Variants in SLC7A1 observed in about 807,000 individuals in gnomAD.
SLC7A1 encodes high affinity cationic amino acid transporter 1.
SLC7A1 carries 10 observed loss-of-function variants against 53.9 expected under a neutral mutation model. The ratio of observed to expected loss-of-function variants is 0.19; its 90% CI spans 0.11 to 0.31. The LOEUF is 0.31. Among genes scored for constraint, SLC7A1 ranks in the 10% least tolerant of loss-of-function variants. The probability of loss-of-function intolerance (pLI) is 1.00; values close to 1 mark genes in which losing one functional copy is unlikely to be tolerated. For synonymous variants in SLC7A1, 342 were observed against 338.7 expected (o/e 1.01, Z -0.11); for missense variants, 525 against 827.2 (o/e 0.63, Z 4.48).
Position 29,562,683 on chromosome 13 carries a change from T to C in SLC7A1, c.-114-8823A>G, listed in dbSNP as rs554904. Among the ~76,000 whole-genome samples, 537 of 152,354 alleles carry C rather than the reference T, an allele frequency of 3.5e-3. 4 individuals carry two copies. The highest frequency in any genetic ancestry group is 0.012 in the African/African-American group (504 of 41,592). ...TGGTATTCTCCTAATTTCTAATATC[T>C]GTCATGGTTCCACTGTTATTTGGAA... On this transcript the variant is annotated intron_variant, in intron 1 of 12. Transcript: ENST00000380752.
intron 1 of SLC7A1, among the ~76,000 whole-genome samples, chr13:29,557,038 T>C (rs1351939988): frequency 6.6e-6 from 1 of 152,246 alleles, no homozygotes; most frequent in African/African-American, 2.4e-5. Context: ...GGGACTGGAA[T>C]GCATAGCAAA....
chr13:29,530,751 T>A, intron 4 of SLC7A1, 39 bp from the exon 5 acceptor site: 1 of 1,581,558 alleles, frequency 6.3e-7, no homozygotes, highest in South Asian at 1.1e-5. Flanking sequence ...GTCTGAGTGT[T>A]AACCACAAAC....
chr13:29,567,839 T>C (rs1471732829), intron 1 of SLC7A1, among the ~76,000 whole-genome samples: 1 of 113,302 alleles, frequency 8.8e-6, no homozygotes, highest in Non-Finnish European at 1.8e-5. Flanking sequence ...TCTTGGCCTC[T>C]TTTTTTTTTG....
intron 1 of SLC7A1, among the ~76,000 whole-genome samples, chr13:29,579,400 G>C (rs1451218510): frequency 2.7e-5 from 4 of 148,708 alleles, no homozygotes; most frequent in African/African-American, 1.0e-4. Context: ...TCACTCTGTT[G>C]CCCAGACTGG....
In SLC7A1 at chr13:29,595,506, C is replaced by CGCGCG. The variant is rs1411604480; in HGVS notation, c.-206_-205insCGCGC. 2.7e-5 allele frequency: 4 copies of CGCGCG among 149,578 alleles called. No individual in the cohort carries two copies. Among genetic ancestry groups the CGCGCG allele is most frequent in the Admixed American group, 2.6e-4 (4 of 15,134 alleles). 9.3% of individuals were successfully genotyped at this position (149,578 alleles called of 1,614,324 possible). A position where few individuals can be genotyped will look rare whatever the true frequency, so the allele number is the denominator to read the frequency against. On this transcript the variant is annotated 5_prime_UTR_variant, in exon 1 of 13. The change creates a premature stop within an existing upstream ORF in the 5' untranslated region. Transcript: ENST00000380752. ...CCAACGGACGCTCGGCCGGCGAGAC[C>CGCGCG]GGGCGGGGCGGGGCGGGGCGGGGGC...
intron 1 of SLC7A1, among the ~76,000 whole-genome samples, chr13:29,571,285 G>A (rs911383525): frequency 3.0e-4 from 45 of 152,356 alleles, no homozygotes; most frequent in African/African-American, 1.1e-3. Flanking sequence ...CTTGAGGGCT[G>A]TTGCCCAGAA....
chr13:29,519,304 G>A, intron 9 of SLC7A1, 143 bp downstream of exon 9: 1 of 550,600 alleles, frequency 1.8e-6, no homozygotes, highest in Non-Finnish European at 3.3e-6. Flanking sequence ...CTCAACCCAG[G>A]TCCTCCCCTC....
At chr13:29,563,081 C>T (rs935487293) in intron 1 of SLC7A1, among the ~76,000 whole-genome samples, 4 of 152,164 alleles carry the variant, frequency 2.6e-5, no homozygotes, top group South Asian at 4.1e-4. Flanking sequence ...AAAGGGGCAA[C>T]GAGAGAGGCC....
chr13:29,525,546 A>AACAG (rs1316363408), intron 5 of SLC7A1, among the ~76,000 whole-genome samples: 2 of 152,210 alleles, frequency 1.3e-5, no homozygotes, highest in South Asian at 2.1e-4. Flanking sequence ...TGGCTGATAA[A>AACAG]ACAGACAGAC....
intron 3 of SLC7A1, among the ~76,000 whole-genome samples, chr13:29,534,196 AAAATGTTT>A (rs1869302075): frequency 6.6e-6 from 1 of 152,206 alleles, no homozygotes; most frequent in East Asian, 1.9e-4. Context: ...GCCTTTTAAA[AAAATGTTT>A]GCTGGAAAAA....
chr13:29,524,665 G>A (rs1185116566), intron 5 of SLC7A1, among the ~76,000 whole-genome samples: 1 of 152,154 alleles, frequency 6.6e-6, no homozygotes, highest in African/African-American at 2.4e-5. Context: ...ATATTTACCA[G>A]TAACTCAATC....
At position 29,517,325 on chromosome 13, in the gene SLC7A1, A is replaced by C. The variant is rs772380273; in HGVS notation, c.1511-15T>G. 1.9e-6 allele frequency: 3 copies of C among 1,597,462 alleles called. No individual in the cohort carries two copies. Among genetic ancestry groups the C allele is most frequent in the Non-Finnish European group, 2.6e-6 (3 of 1,171,344 alleles). On this transcript the variant is annotated splice_polypyrimidine_tract_variant and intron_variant, in intron 10 of 12. Transcript: ENST00000380752. ...GATGAGAACAGCTAAGGGGGAAGGA[A>C]AAGACAGCAAGCTGCAACTCAACCA...
At chr13:29,535,731 C>T (rs1869380871) in intron 3 of SLC7A1, 88 bp downstream of exon 3, 2 of 1,364,396 alleles carry the variant, frequency 1.5e-6, no homozygotes, top group African/African-American at 1.5e-5. Context: ...CAAGAATGAC[C>T]TCCCTGTGGG....
Position 29,514,571 on chromosome 13 carries a change from T to C in SLC7A1, c.1799A>G (p.Tyr600Cys). The C allele has an allele frequency of 6.2e-7, 1 of 1,609,080 alleles. No individual in the cohort carries two copies. ...AVWMLIGFII[Y>C]FGYGLWHSEE... ...GCTGTGCCACAGGCCATAGCCAAAG[T>C]AGATGATGAAGCCTGCGGGCCGACA... The change falls in exon 13 of 13, where the codon TAC (tyrosine) becomes TGC (cysteine). Residue 600 changes from tyrosine to cysteine, a missense_variant. This residue lies in a region of SLC7A1 where 41 missense variants were observed against 61.3 expected (regional missense o/e 0.67). Transcript: ENST00000380752.
At chr13:29,564,702 C>T (rs1015697630) in intron 1 of SLC7A1, among the ~76,000 whole-genome samples, 9 of 152,344 alleles carry the variant, frequency 5.9e-5, no homozygotes, top group African/African-American at 1.7e-4. Context: ...AATCCCTGCT[C>T]AACCATGGAC....
chr13:29,517,427 C>T, intron 10 of SLC7A1, 117 bp from the exon 11 acceptor site: 2 of 1,254,112 alleles, frequency 1.6e-6, no homozygotes, highest in Non-Finnish European at 1.1e-6. Flanking sequence ...GAAGGCACAA[C>T]TACAGTTAAC....
intron 1 of SLC7A1, among the ~76,000 whole-genome samples, chr13:29,567,289 G>A (rs1220262350): frequency 6.6e-6 from 1 of 152,144 alleles, no homozygotes; most frequent in African/African-American, 2.4e-5. Context: ...GGGTGTGGGG[G>A]AAGGGAAGCC....
At chr13:29,517,086 G>C (rs535373676) in intron 11 of SLC7A1, 58 bp downstream of exon 11, 1 of 1,481,340 alleles carries the variant, frequency 6.8e-7, no homozygotes, top group Non-Finnish European at 9.0e-7. Flanking sequence ...GGCTGGCCAG[G>C]CATCAGGAGG....
chr13:29,565,957 G>A (rs1255639322), intron 1 of SLC7A1, among the ~76,000 whole-genome samples: 5 of 152,158 alleles, frequency 3.3e-5, no homozygotes, highest in Admixed American at 6.5e-5. Flanking sequence ...CTCTCAAAAG[G>A]CAGTGAGTTA....
Sources: allele counts gnomAD v4.1 joint callset (sites outside exome capture counted in the v4.1 genomes callset), GRCh38; gene constraint gnomAD v4.1.1; regional missense constraint gnomAD v4.1.1; transcripts MANE v1.5; gene names NCBI Gene and HGNC (gene_info 2026-07-23, HGNC 2026-07-21).